KDM7A: variants seen among roughly 807,000 people sequenced by gnomAD.
KDM7A encodes lysine demethylase 7A, also known as lysine-specific demethylase 7A.
A neutral mutation model predicts 114.8 loss-of-function variants in KDM7A; 28 were observed. The ratio of observed to expected loss-of-function variants is 0.24; its 90% confidence interval spans 0.18 to 0.33. The LOEUF (loss-of-function observed/expected upper bound fraction) is 0.33. Among genes scored for constraint, KDM7A ranks in the 10% least tolerant of loss-of-function variants. The pLI is 1.00. For missense variants in KDM7A, 942 were observed against 1,142.5 expected (o/e 0.82, Z 2.53); for synonymous variants, 423 against 397.8 (o/e 1.06, Z -0.75).
chr7:140,124,683 T>A lies in KDM7A; in HGVS notation c.989A>T (p.Asp330Val), dbSNP rs1228433291. ...ACATTTGTAGCATTTATCCACCTTA[T>A]CTCCAAAGAACACCTCACTCTGGGT... Reference protein sequence around the residue: ...SVTQSEVFFGDKVDKCYKCVV... With the variant: ...SVTQSEVFFGVKVDKCYKCVV... The change falls in exon 7 of 20, where the codon GAT becomes GTT. Residue 330 changes from aspartate (D) to valine (V), a missense_variant. Around this residue, in one of 4 missense-constraint regions of KDM7A, gnomAD observed 318 missense variants for 453.1 expected, o/e 0.70. Coordinates refer to ENST00000397560, the MANE Select transcript of KDM7A (RefSeq NM_030647.2). 1 of 1,613,688 alleles carries A rather than the reference T, an allele frequency of 6.2e-7. No homozygotes were observed. Among genetic ancestry groups the A allele is most frequent in the African/African-American group, 1.3e-5 (1 of 75,010 alleles).
At chr7:140,122,963 T>A (rs2116795004) in intron 7 of KDM7A, among the ~76,000 whole-genome samples, 1 of 152,342 alleles carries the variant, frequency 6.6e-6, no homozygotes, top group South Asian at 2.1e-4. Context: ...AAATCATACA[T>A]ACTGATATGG....
chr7:140,121,264 C>G (rs1352879285), intron 7 of KDM7A, among the ~76,000 whole-genome samples: 1 of 152,184 alleles, frequency 6.6e-6, no homozygotes, highest in Non-Finnish European at 1.5e-5. Flanking sequence ...GACATGACGT[C>G]TAACTTTTGA....
At chr7:140,174,029 T>C (rs563388158) in intron 1 of KDM7A, among the ~76,000 whole-genome samples, 2 of 152,092 alleles carry the variant, frequency 1.3e-5, no homozygotes, top group South Asian at 4.1e-4. Context: ...CCAGGCGTGG[T>C]GACGGGCACC....
chr7:140,134,714 G>C (rs981549955), intron 2 of KDM7A, among the ~76,000 whole-genome samples: 1 of 152,158 alleles, frequency 6.6e-6, no homozygotes, highest in African/African-American at 2.4e-5. Context: ...GTTAGAGCAT[G>C]TAATGAAAAT....
Position 140,113,424 on chromosome 7 carries a change from C to G in KDM7A, c.1338+67G>C. The G allele has an allele frequency of 3.2e-6, 3 of 933,958 alleles. No homozygotes were observed. The South Asian group carries it at 4.5e-5, about 14-fold the overall frequency. 57.9% of individuals were successfully genotyped at this position (933,958 alleles called of 1,614,324 possible). ...GCATTCACACGTGCTGCCAAAATAGCACAAGGACTCTGTTTTCCTAATCTT... is the reference window on the plus strand; with the variant it reads ...GCATTCACACGTGCTGCCAAAATAGGACAAGGACTCTGTTTTCCTAATCTT... On this transcript the variant is annotated intron_variant, in intron 10 of 19. Coordinates refer to ENST00000397560, the MANE Select transcript of KDM7A (RefSeq NM_030647.2).
chr7:140,096,416 G>A (rs1818110197), intron 17 of KDM7A, 139 bp downstream of exon 17: 1 of 653,796 alleles, frequency 1.5e-6, no homozygotes, highest in African/African-American at 1.8e-5. Flanking sequence ...TCAGCATTGT[G>A]CTTTTTTTGG....
Position 140,162,576 on chromosome 7 carries a change from G to C in KDM7A, c.194+14168C>G, listed in dbSNP as rs550272621. 4.3e-5 allele frequency among the ~76,000 whole-genome samples: 6 copies of C among 138,828 alleles called. No homozygotes were observed. The East Asian group carries it at 1.2e-3, about 29-fold the overall frequency. The allele number at this position is 138,828 out of a possible 152,430, so 91.1% of individuals were successfully genotyped here. On this transcript the variant is annotated intron_variant, in intron 1 of 19. Transcript: ENST00000397560. ...AAGATGAATGCAACTTATAGCCCCAGTAAATAAGAATCTTAAATTTGTATA... is the reference window on the plus strand; with the variant it reads ...AAGATGAATGCAACTTATAGCCCCACTAAATAAGAATCTTAAATTTGTATA...
chr7:140,153,314 G>A (rs1038110457), intron 1 of KDM7A, among the ~76,000 whole-genome samples: 24 of 151,548 alleles, frequency 1.6e-4, no homozygotes, highest in Middle Eastern at 3.4e-3. Context: ...AGTGAAACCC[G>A]TCTCTACTGA....
At chr7:140,093,951 G>C (rs1241123995) in intron 18 of KDM7A, 105 bp downstream of exon 18, 5 of 758,306 alleles carry the variant, frequency 6.6e-6, no homozygotes, top group South Asian at 4.2e-5. Context: ...TGGCTGCCTA[G>C]ATCTAGCAGT....
chr7:140,097,953 C>G (rs969982062), intron 14 of KDM7A, among the ~76,000 whole-genome samples: 6 of 152,218 alleles, frequency 3.9e-5, no homozygotes, highest in African/African-American at 1.4e-4. Flanking sequence ...CTAAAATTAG[C>G]TATCAGATGC....
At chr7:140,151,601 C>G (rs1396048212) in intron 1 of KDM7A, among the ~76,000 whole-genome samples, 3 of 152,104 alleles carry the variant, frequency 2.0e-5, no homozygotes, top group African/African-American at 7.2e-5. Flanking sequence ...ACACAGTATT[C>G]CTGATTATTT....
At chr7:140,100,679 T>TATATATATATATATATATATATATATAC (rs1192609907) in intron 12 of KDM7A, among the ~76,000 whole-genome samples, 1 of 63,992 alleles carries the variant, frequency 1.6e-5, no homozygotes. Flanking sequence ...TATATATATA[T>TATATATATATATATATATATATATATAC]ACATATATAC....
chr7:140,170,594 G>A (rs1794627845), intron 1 of KDM7A, among the ~76,000 whole-genome samples: 1 of 152,224 alleles, frequency 6.6e-6, no homozygotes, highest in Non-Finnish European at 1.5e-5. Context: ...TGTGTAAAAT[G>A]GGGATGATAA....
intron 1 of KDM7A, among the ~76,000 whole-genome samples, chr7:140,158,964 C>T (rs1794488222): frequency 6.6e-6 from 1 of 152,126 alleles, no homozygotes; most frequent in Non-Finnish European, 1.5e-5. Context: ...GTGAATTTTG[C>T]TACAAAGGTA....
At chr7:140,115,551 A>C (rs975161235) in intron 9 of KDM7A, among the ~76,000 whole-genome samples, 5 of 152,138 alleles carry the variant, frequency 3.3e-5, no homozygotes, top group African/African-American at 1.2e-4. Flanking sequence ...AAATGGATTA[A>C]GGGCGGTGCA....
rs139775337 is a variant in KDM7A at position 140,143,726 on chromosome 7, T to C, written c.195-4536A>G. Among the ~76,000 whole-genome samples the C allele has an allele frequency of 4.6e-3, 696 of 152,330 alleles. 7 individuals carry two copies. Among genetic ancestry groups the C allele is most frequent in the African/African-American group, 0.015 (640 of 41,578 alleles). On this transcript the variant is annotated intron_variant, in intron 1 of 19. Transcript: ENST00000397560. The stretch of plus-strand genomic sequence containing the variant: ...AAGTCTTTGAGAGCTTGAGTAGAGC[T>C]TGCTGCAATCCCAAAAGGTCAAAAC...
rs967578149 is a variant in KDM7A, at chr7:140,109,540, A to G, written c.1428+1555T>C. ...GCTATTGTGGATAATGCTGCTATAA[A>G]CGTAGGTGTACAAATACCTGTTTGA... On this transcript the variant is annotated intron_variant, in intron 11 of 19. Coordinates refer to ENST00000397560, the MANE Select transcript of KDM7A (RefSeq NM_030647.2). Among the ~76,000 whole-genome samples the G allele has an allele frequency of 3.3e-5, 5 of 152,142 alleles. No individual in the cohort carries two copies. In the East Asian group the frequency reaches 9.6e-4, roughly 29 times the overall value.
At chr7:140,164,325 A>C (rs182001566) in intron 1 of KDM7A, among the ~76,000 whole-genome samples, 36 of 152,328 alleles carry the variant, frequency 2.4e-4, no homozygotes, top group East Asian at 2.3e-3. Flanking sequence ...CTCAACAACA[A>C]CACTATGGAG....
chr7:140,096,431 C>T (rs1182631108), intron 17 of KDM7A, 124 bp downstream of exon 17: 1 of 759,690 alleles, frequency 1.3e-6, no homozygotes, highest in Admixed American at 2.7e-5. Flanking sequence ...TTTTGGTCAA[C>T]CTTCTTAACA....
Sources: allele counts gnomAD v4.1 joint callset (sites outside exome capture counted in the v4.1 genomes callset), GRCh38; gene constraint gnomAD v4.1.1; regional missense constraint gnomAD v4.1.1; transcripts MANE v1.5; gene names NCBI Gene and HGNC (gene_info 2026-07-23, HGNC 2026-07-21).